ANXA8: variants seen among roughly 807,000 people sequenced by gnomAD.
ANXA8 encodes annexin A8, also known as VAC-beta.
Under a neutral mutation model 26.8 loss-of-function variants are expected in ANXA8, and 9 were observed. That is an observed-to-expected ratio of 0.34 (90% CI 0.20 to 0.59). The LOEUF is 0.59. Ranked by LOEUF, ANXA8 falls within the 20% of genes least tolerant of loss-of-function variation. The pLI, the probability that ANXA8 is intolerant of heterozygous loss-of-function variation, is 0.84. For missense variants in ANXA8, 83 were observed against 238.5 expected, an observed-to-expected ratio of 0.35 and a Z score of 4.29; for synonymous variants, 39 against 94.8, an observed-to-expected ratio of 0.41 and a Z score of 3.42.
At chr10:47,743,103 G>A in the ANXA8 span, among the ~76,000 whole-genome samples, 6 of 142,288 alleles carry the variant, frequency 4.2e-5, no homozygotes, top group East Asian at 8.1e-4. Flanking sequence ...CCCGGGAGGC[G>A]GAGCTTGTAG....
chr10:47,554,768 A>G, the ANXA8 span, among the ~76,000 whole-genome samples: 3 of 152,134 alleles, frequency 2.0e-5, no homozygotes, highest in Admixed American at 6.5e-5. Context: ...TTCACTCTGC[A>G]TAGGCTATAT....
At chr10:47,701,433 A>G in the ANXA8 span, among the ~76,000 whole-genome samples, 3 of 151,998 alleles carry the variant, frequency 2.0e-5, no homozygotes, top group African/African-American at 7.2e-5. Flanking sequence ...TCATTGCAGT[A>G]TTGTTTATAA....
chr10:47,536,769 A>G, the ANXA8 span, among the ~76,000 whole-genome samples: 1 of 126,700 alleles, frequency 7.9e-6, no homozygotes, highest in South Asian at 2.3e-4. Flanking sequence ...CAGCCTGGGC[A>G]AACACACTGA....
At chr10:47,978,034 A>T in the ANXA8 span, among the ~76,000 whole-genome samples, 1 of 151,822 alleles carries the variant, frequency 6.6e-6, no homozygotes, top group East Asian at 1.9e-4. Context: ...AGCCAATGAC[A>T]AAAAGAGAAT....
the ANXA8 span, among the ~76,000 whole-genome samples, chr10:47,498,124 C>G: frequency 6.7e-6 from 1 of 149,820 alleles, no homozygotes; most frequent in South Asian, 2.1e-4. Flanking sequence ...AAAACCAAAA[C>G]TCTATATCCA....
chr10:47,748,686 T>G, the ANXA8 span, among the ~76,000 whole-genome samples: 1 of 152,140 alleles, frequency 6.6e-6, no homozygotes. Flanking sequence ...GGGGGGGATC[T>G]TGCTCTGTTG....
chr10:47,913,962 G>GTTTT, the ANXA8 span, among the ~76,000 whole-genome samples: 1 of 9,624 alleles, frequency 1.0e-4, no homozygotes, highest in Non-Finnish European at 2.2e-4. Flanking sequence ...TTTTTTTTTG[G>GTTTT]TGTTTTGAAA....
At chr10:47,744,531 C>G in the ANXA8 span, among the ~76,000 whole-genome samples, 6 of 150,668 alleles carry the variant, frequency 4.0e-5, no homozygotes, top group African/African-American at 1.5e-4. Context: ...GGCAGTCACT[C>G]CACTTTGAGA....
chr10:47,724,589 C>T, the ANXA8 span, among the ~76,000 whole-genome samples: 9 of 141,900 alleles, frequency 6.3e-5, 2 homozygotes, highest in East Asian at 2.4e-3. Flanking sequence ...CCTTTCCTAA[C>T]CACCCTTCTT....
At chr10:47,503,175 G>A in the ANXA8 span, 2 of 1,606,578 alleles carry the variant, frequency 1.2e-6, no homozygotes, top group Non-Finnish European at 1.7e-6. Context: ...AATCACCTAA[G>A]CTTGAATAAT....
chr10:47,658,244 TGTAGTCCCAACTACTCGG>T, the ANXA8 span, among the ~76,000 whole-genome samples: 15 of 151,462 alleles, frequency 9.9e-5, no homozygotes, highest in Non-Finnish European at 1.2e-4. Context: ...GGCACGCACC[TGTAGTCCCAACTACTCGG>T]GTAGTCCCAA....
the ANXA8 span, among the ~76,000 whole-genome samples, chr10:47,946,313 G>A: frequency 2.0e-5 from 3 of 150,058 alleles, no homozygotes; most frequent in African/African-American, 5.0e-5. Flanking sequence ...TTGTAGTCAT[G>A]TATTCTTGCG....
chr10:47,974,832 A>G, the ANXA8 span, among the ~76,000 whole-genome samples: 1 of 149,652 alleles, frequency 6.7e-6, no homozygotes, highest in Non-Finnish European at 1.5e-5. Context: ...TTGATCTGAG[A>G]ATATGTTCTG....
At chr10:47,986,044 AT>A in the ANXA8 span, 3 of 151,334 alleles carry the variant, frequency 2.0e-5, no homozygotes, top group Non-Finnish European at 4.4e-5. Flanking sequence ...TAAAGCTTCT[AT>A]TTTCATCTTT....
At chr10:47,770,119 A>G in the ANXA8 span, among the ~76,000 whole-genome samples, 101 of 145,204 alleles carry the variant, frequency 7.0e-4, no homozygotes, top group African/African-American at 2.5e-3. Flanking sequence ...GCCATTCATG[A>G]GGGATCTGCT....
chr10:47,935,995 C>T, the ANXA8 span, among the ~76,000 whole-genome samples: 1 of 147,592 alleles, frequency 6.8e-6, no homozygotes, highest in South Asian at 2.1e-4. Context: ...TAAAAATCCT[C>T]CGTGTCTTAC....
the ANXA8 span, among the ~76,000 whole-genome samples, chr10:47,975,195 G>C: frequency 1.3e-3 from 201 of 149,412 alleles, 20 homozygotes; most frequent in East Asian, 0.032. Context: ...ATTCATGTCA[G>C]CACCAATAGA....
chr10:47,958,614 G>C, the ANXA8 span, among the ~76,000 whole-genome samples: 3 of 148,352 alleles, frequency 2.0e-5, no homozygotes, highest in Non-Finnish European at 3.0e-5. Context: ...GTCTGATGTT[G>C]AGTCCATGTG....
the ANXA8 span, chr10:47,599,753 A>C: frequency 5.3e-5 from 8 of 151,450 alleles, no homozygotes; most frequent in Non-Finnish European, 1.0e-4. Context: ...AATTCGCTTG[A>C]TAGCCAATTA....
Sources: gnomAD v4.1 joint callset for allele counts (sites outside exome capture counted in the v4.1 genomes callset) on GRCh38, gnomAD v4.1.1 for gene constraint, MANE v1.5 for transcripts, NCBI Gene and HGNC (gene_info 2026-07-23, HGNC 2026-07-21) for gene names.